Variants in PCDHGA4 observed in about 807,000 individuals in gnomAD.
PCDHGA4 encodes protocadherin gamma-A4.
In PCDHGA4, 38 loss-of-function variants were observed where a neutral mutation model predicts 54.6. The ratio of observed to expected loss-of-function variants is 0.70; its 90% CI spans 0.54 to 0.91. The LOEUF (loss-of-function observed/expected upper bound fraction) is 0.91, where lower values mean the gene tolerates loss of function less well. Ranked by LOEUF, PCDHGA4 falls within the 40% of genes least tolerant of loss-of-function variation. The pLI, the probability that PCDHGA4 is intolerant of heterozygous loss-of-function variation, is 0.00. For synonymous variants in PCDHGA4, 511 were observed against 512.9 expected, an observed-to-expected ratio of 1.00 and a Z score of 0.05; for missense variants, 1,298 against 1,220.9, an observed-to-expected ratio of 1.06 and a Z score of -0.94.
chr5:141,477,361 G>A lies in PCDHGA4; in HGVS notation c.2515-17446G>A. The A allele has an allele frequency of 6.2e-7, 1 of 1,614,172 alleles. No individual in the cohort carries two copies. The highest frequency in any genetic ancestry group is 8.5e-7 in the Non-Finnish European group (1 of 1,180,032). Reference sequence around the variant, plus strand: ...TCACTTTGAAAACCAGTGCAGACCTGGATCGGGAGACTGTGCCAGAATACA... The same window carrying A: ...TCACTTTGAAAACCAGTGCAGACCTAGATCGGGAGACTGTGCCAGAATACA... On this transcript the variant is annotated intron_variant, in intron 1 of 3. Coordinates refer to ENST00000571252, the MANE Select transcript of PCDHGA4 (RefSeq NM_018917.4). The surrounding 1 kb of genome is among the most constrained non-coding windows in gnomAD (Gnocchi z 4.9).
intron 1 of PCDHGA4, chr5:141,377,279 AAT>A (rs1773851812): frequency 6.6e-6 from 1 of 152,110 alleles, no homozygotes; most frequent in African/African-American, 2.4e-5. Context: ...TGGGAAAAAA[AAT>A]AACCTTAATT....
At position 141,511,519 on chromosome 5, in the gene PCDHGA4, C is replaced by A; in HGVS notation, c.*346C>A. On this transcript the variant is annotated 3_prime_UTR_variant, in exon 4 of 4. Transcript: ENST00000571252. ...CCAAATCAATCAGGCCCATCCATCC[C>A]ATGCCTCCCTCCTCCCCACCCCACT... 2.7e-6 allele frequency: 1 copy of A among 367,516 alleles called. No individual in the cohort carries two copies. The highest frequency in any genetic ancestry group is 2.7e-5 in the South Asian group (1 of 36,848). 22.8% of individuals were successfully genotyped at this position (367,516 alleles called of 1,614,324 possible). A position where few individuals can be genotyped will look rare whatever the true frequency, so the allele number is the denominator to read the frequency against.
At chr5:141,398,819 A>C (rs571120530) in intron 1 of PCDHGA4, 1 of 1,613,994 alleles carries the variant, frequency 6.2e-7, no homozygotes, top group East Asian at 2.2e-5. Flanking sequence ...CTCCGGATCC[A>C]GGTAACCGAC....
chr5:141,407,661 T>G (rs964293417), intron 1 of PCDHGA4, among the ~76,000 whole-genome samples: 13 of 152,164 alleles, frequency 8.5e-5, no homozygotes, highest in African/African-American at 2.7e-4. Flanking sequence ...GAGCGCAGTA[T>G]ATATTAAACA....
intron 1 of PCDHGA4, chr5:141,376,399 G>C (rs764497807): frequency 6.2e-7 from 1 of 1,614,182 alleles, no homozygotes; most frequent in South Asian, 1.1e-5. Flanking sequence ...TTTTCCCCCA[G>C]CCCAACTATG....
intron 1 of PCDHGA4, among the ~76,000 whole-genome samples, chr5:141,466,008 G>C (rs1298363274): frequency 6.6e-6 from 1 of 151,970 alleles, no homozygotes; most frequent in Non-Finnish European, 1.5e-5. Flanking sequence ...TGTAGTCCCA[G>C]CTACTCGGGA....
At chr5:141,359,517 G>A (rs1030061607) in intron 1 of PCDHGA4, among the ~76,000 whole-genome samples, 1 of 149,356 alleles carries the variant, frequency 6.7e-6, no homozygotes, top group Non-Finnish European at 1.5e-5. Flanking sequence ...TATATTATGG[G>A]CCACTAGATA....
chr5:141,430,855 C>T, intron 1 of PCDHGA4: 7 of 1,588,596 alleles, frequency 4.4e-6, no homozygotes, highest in Non-Finnish European at 6.0e-6. Context: ...CCCAGATACG[C>T]TATTCAGTTC....
At chr5:141,388,697 G>T in intron 1 of PCDHGA4, 1 of 1,613,998 alleles carries the variant, frequency 6.2e-7, no homozygotes, top group South Asian at 1.1e-5. Flanking sequence ...ACCAGGATGA[G>T]GGTGTCAATG....
At position 141,493,223 on chromosome 5, in the gene PCDHGA4, A is replaced by G. The variant is rs2099747083; in HGVS notation, c.2515-1584A>G. Among the ~76,000 whole-genome samples, 1 of 152,142 alleles carries G rather than the reference A, an allele frequency of 6.6e-6. No homozygotes were observed. The highest frequency in any genetic ancestry group is 6.6e-5 in the Admixed American group (1 of 15,262). On this transcript the variant is annotated intron_variant, in intron 1 of 3. Transcript: ENST00000571252. The surrounding 1 kb of genome is among the most constrained non-coding windows in gnomAD (Gnocchi z 4.3). ...CCTCATCTCATTTGCTCTTCCCACC[A>G]TTGCTGTTGGCTAGGTACTAACATG...
At chr5:141,474,965 A>G (rs1268347441) in intron 1 of PCDHGA4, among the ~76,000 whole-genome samples, 1 of 152,236 alleles carries the variant, frequency 6.6e-6, no homozygotes, top group Non-Finnish European at 1.5e-5. Context: ...TATCCTAATC[A>G]TTATAATTTT....
chr5:141,439,428 C>T (rs1191911600), intron 1 of PCDHGA4, among the ~76,000 whole-genome samples: 1 of 152,170 alleles, frequency 6.6e-6, no homozygotes, highest in Non-Finnish European at 1.5e-5. Flanking sequence ...TATAAATTCC[C>T]AGGAATATTT....
chr5:141,511,412 C>A lies in PCDHGA4; in HGVS notation c.*239C>A. 1.1e-6 allele frequency: 1 copy of A among 892,000 alleles called. No homozygotes were observed. Among genetic ancestry groups the A allele is most frequent in the Non-Finnish European group, 1.6e-6 (1 of 609,476 alleles). The allele number at this position is 892,000 out of a possible 1,614,324, so 55.3% of individuals were successfully genotyped here. On this transcript the variant is annotated 3_prime_UTR_variant, in exon 4 of 4. Coordinates refer to ENST00000571252, the MANE Select transcript of PCDHGA4 (RefSeq NM_018917.4). ...AACCCCCATCCAATCAACTGCTGTA[C>A]CCATGGGGGTAGTGGGGTTACTGTA...
intron 2 of PCDHGA4, among the ~76,000 whole-genome samples, chr5:141,504,288 G>GT (rs1175142876): frequency 6.6e-6 from 1 of 152,124 alleles, no homozygotes; most frequent in African/African-American, 2.4e-5. Context: ...ATCATTTCAT[G>GT]TTTTTTCAAC....
intron 1 of PCDHGA4, chr5:141,471,300 C>T (rs2099254628): frequency 6.6e-6 from 1 of 152,190 alleles, no homozygotes; most frequent in African/African-American, 2.4e-5. Context: ...ATCCACCCAA[C>T]TCGGCCTCCC....
At chr5:141,472,022 T>A (rs949257396) in intron 1 of PCDHGA4, among the ~76,000 whole-genome samples, 6 of 152,176 alleles carry the variant, frequency 3.9e-5, no homozygotes, top group African/African-American at 1.4e-4. Context: ...CTATATTGTA[T>A]GTAGAAAGCT....
intron 1 of PCDHGA4, among the ~76,000 whole-genome samples, chr5:141,461,978 C>T (rs888687367): frequency 2.6e-5 from 4 of 152,216 alleles, no homozygotes; most frequent in African/African-American, 9.6e-5. Flanking sequence ...CATATGCCAC[C>T]ACGCCAGGCT....
Position 141,376,232 on chromosome 5 carries a change from C to A in PCDHGA4, c.2514+18611C>A, listed in dbSNP as rs750982276. 6.7e-5 allele frequency: 108 copies of A among 1,614,106 alleles called. No homozygotes were observed. The highest frequency in any genetic ancestry group is 9.0e-5 in the Non-Finnish European group (106 of 1,180,056). ...CATCGTGCTGCTGGCGCTCAGACTG[C>A]AGCGCTGGCACAAGTCACGCCTGCT... is the stretch of plus-strand genomic sequence containing the variant. On this transcript the variant is annotated intron_variant, in intron 1 of 3. Coordinates refer to ENST00000571252, the MANE Select transcript of PCDHGA4 (RefSeq NM_018917.4).
intron 1 of PCDHGA4, chr5:141,362,219 C>A (rs368538544): frequency 6.2e-7 from 1 of 1,614,034 alleles, no homozygotes; most frequent in Non-Finnish European, 8.5e-7. Context: ...CTGGTTGTGG[C>A]CTTGGCCTTG....
Sources: gnomAD v4.1 joint callset for allele counts (sites outside exome capture counted in the v4.1 genomes callset) on GRCh38, gnomAD v4.1.1 for gene constraint, Gnocchi (gnomAD v3.1) non-coding constraint, MANE v1.5 for transcripts, NCBI Gene and HGNC (gene_info 2026-07-23, HGNC 2026-07-21) for gene names.